HS3ST5: variants seen among roughly 807,000 people sequenced by gnomAD.
HS3ST5 encodes the protein heparan sulfate-glucosamine 3-sulfotransferase 5.
In HS3ST5, 10 loss-of-function variants were observed where a neutral mutation model predicts 25.4. The observed-to-expected ratio is 0.39, with a 90% CI of 0.24 to 0.67. The LOEUF (loss-of-function observed/expected upper bound fraction) is 0.67. Ranked by LOEUF, HS3ST5 falls within the 30% of genes least tolerant of loss-of-function variation. The pLI is 0.44. For missense variants in HS3ST5, 324 were observed against 420.7 expected, an observed-to-expected ratio of 0.77 and a Z score of 2.01; for synonymous variants, 170 against 162.4, an observed-to-expected ratio of 1.05 and a Z score of -0.36.
At chr6:114,256,977 C>A (rs921829934) in intron 1 of HS3ST5, among the ~76,000 whole-genome samples, 1 of 152,206 alleles carries the variant, frequency 6.6e-6, no homozygotes, top group Admixed American at 6.5e-5. Context: ...CAAAAGACAC[C>A]TCTTATATGG....
intron 1 of HS3ST5, among the ~76,000 whole-genome samples, chr6:114,295,921 T>C (rs1774800098): frequency 6.6e-6 from 1 of 152,190 alleles, no homozygotes; most frequent in South Asian, 2.1e-4. Flanking sequence ...GGCCCATGTG[T>C]ATGTCCCACG....
intron 3 of HS3ST5, among the ~76,000 whole-genome samples, chr6:114,147,473 G>A (rs904965718): frequency 6.6e-6 from 1 of 152,200 alleles, no homozygotes; most frequent in African/African-American, 2.4e-5. Context: ...GAAGTTGATT[G>A]AAACACAGAA....
At chr6:114,275,016 C>G (rs940225189) in intron 1 of HS3ST5, among the ~76,000 whole-genome samples, 1 of 151,816 alleles carries the variant, frequency 6.6e-6, no homozygotes, top group African/African-American at 2.4e-5. Flanking sequence ...TACAACTACA[C>G]AACTATACAC....
chr6:114,064,754 A>G (rs533846753), intron 3 of HS3ST5, among the ~76,000 whole-genome samples: 4 of 152,348 alleles, frequency 2.6e-5, no homozygotes, highest in South Asian at 2.1e-4. Flanking sequence ...ATTGTATTCA[A>G]TATGACAAAG....
intron 1 of HS3ST5, among the ~76,000 whole-genome samples, chr6:114,328,624 G>C (rs1383987725): frequency 6.6e-6 from 1 of 152,230 alleles, no homozygotes; most frequent in Admixed American, 6.5e-5. Context: ...AAAGAAAACA[G>C]GTCTTCTAGC....
chr6:114,154,396 A>T (rs1778600387), intron 3 of HS3ST5, among the ~76,000 whole-genome samples: 1 of 152,076 alleles, frequency 6.6e-6, no homozygotes, highest in African/African-American at 2.4e-5. Flanking sequence ...GGTGGCTCAC[A>T]CCTGTAATCC....
rs1220065633 is a variant in HS3ST5 at position 114,232,395 on chromosome 6, T to C, written c.-338-3617A>G. 5.3e-5 allele frequency among the ~76,000 whole-genome samples: 8 copies of C among 152,244 alleles called. No homozygotes were observed. The East Asian group carries it at 1.4e-3, about 26-fold the overall frequency. ...TAGCAGAGATGAGGTTTCTCTATGT[T>C]GCCCAGGCTGGTCTCAAACTCCTGG... is the stretch of plus-strand genomic sequence containing the variant. On this transcript the variant is annotated intron_variant, in intron 1 of 4. Transcript: ENST00000312719.
intron 3 of HS3ST5, among the ~76,000 whole-genome samples, chr6:114,097,866 A>G (rs980017420): frequency 3.3e-5 from 5 of 151,986 alleles, no homozygotes; most frequent in Admixed American, 6.6e-5. Context: ...TCTACCCCTA[A>G]AGGACAAAAA....
intron 2 of HS3ST5, among the ~76,000 whole-genome samples, chr6:114,177,913 T>G (rs942120354): frequency 4.6e-5 from 7 of 152,206 alleles, no homozygotes; most frequent in Non-Finnish European, 7.3e-5. Flanking sequence ...TTTATGCATT[T>G]ATATGAGAAG....
At chr6:114,271,288 G>A (rs1773628180) in intron 1 of HS3ST5, among the ~76,000 whole-genome samples, 1 of 151,880 alleles carries the variant, frequency 6.6e-6, no homozygotes, top group Admixed American at 6.6e-5. Flanking sequence ...CCACTCCCTG[G>A]TTTCTTTTCT....
chr6:114,291,308 GTTT>G lies in HS3ST5; in HGVS notation c.-339+50884_-339+50886del, dbSNP rs1164710337. Among the ~76,000 whole-genome samples the G allele has an allele frequency of 3.3e-5, 5 of 152,212 alleles. No homozygotes were observed. In the South Asian group the frequency reaches 8.3e-4, roughly 25 times the overall value. The stretch of plus-strand genomic sequence containing the variant: ...CATCCAATCTCTGAAGAGAGTTTTT[GTTT>G]TGTATTCATACTAACAGTAATGTAG... On this transcript the variant is annotated intron_variant, in intron 1 of 4. Coordinates refer to ENST00000312719, the MANE Select transcript of HS3ST5 (RefSeq NM_153612.4).
chr6:114,333,645 T>A (rs577752806), intron 1 of HS3ST5, among the ~76,000 whole-genome samples: 291 of 152,086 alleles, frequency 1.9e-3, no homozygotes, highest in African/African-American at 6.8e-3. Flanking sequence ...ATATATATAT[T>A]TTTTTAAAAT....
chr6:114,205,011 G>A (rs1781208015), intron 2 of HS3ST5, among the ~76,000 whole-genome samples: 3 of 152,072 alleles, frequency 2.0e-5, no homozygotes, highest in African/African-American at 7.2e-5. Context: ...CATGCTCACG[G>A]CCTTTTCTTG....
intron 1 of HS3ST5, among the ~76,000 whole-genome samples, chr6:114,330,597 C>T (rs779167783): frequency 1.3e-5 from 2 of 152,128 alleles, no homozygotes; most frequent in Non-Finnish European, 2.9e-5. Flanking sequence ...CTCACATGAG[C>T]ATCCACAGGT....
At chr6:114,105,654 T>C (rs1268591527) in intron 3 of HS3ST5, among the ~76,000 whole-genome samples, 2 of 152,154 alleles carry the variant, frequency 1.3e-5, no homozygotes. Flanking sequence ...CTTATTCTTG[T>C]GGTCACTAAT....
chr6:114,206,329 C>T (rs992162811), intron 2 of HS3ST5, among the ~76,000 whole-genome samples: 4 of 152,106 alleles, frequency 2.6e-5, no homozygotes, highest in Admixed American at 1.3e-4. Flanking sequence ...CAGATAGATA[C>T]TCACATTTTT....
chr6:114,075,618 C>T (rs1774079881), intron 3 of HS3ST5, among the ~76,000 whole-genome samples: 1 of 152,238 alleles, frequency 6.6e-6, no homozygotes, highest in East Asian at 1.9e-4. Context: ...TTTTATTTTG[C>T]CCTGGGCCCC....
intron 2 of HS3ST5, among the ~76,000 whole-genome samples, chr6:114,201,438 T>C (rs980193176): frequency 1.3e-5 from 2 of 152,266 alleles, no homozygotes; most frequent in African/African-American, 4.8e-5. Flanking sequence ...TTACCATTGG[T>C]CCCTCTCTTG....
rs11964315 is a variant in HS3ST5, at chr6:114,203,660, C to A, written c.-145+24925G>T. Among the ~76,000 whole-genome samples, 663 of 152,252 alleles carry A rather than the reference C, an allele frequency of 4.4e-3. 6 individuals are homozygous for A. Among genetic ancestry groups the A allele is most frequent in the African/African-American group, 0.015 (643 of 41,544 alleles). On this transcript the variant is annotated intron_variant, in intron 2 of 4. Transcript: ENST00000312719. ...AACTGGTCCTGTGACTACTCCCCCTCCCCTGAAACTGACTCAGCACACAAA... is the reference window on the plus strand; with the variant it reads ...AACTGGTCCTGTGACTACTCCCCCTACCCTGAAACTGACTCAGCACACAAA...
Sources: gnomAD v4.1 joint callset for allele counts (sites outside exome capture counted in the v4.1 genomes callset) on GRCh38, gnomAD v4.1.1 for gene constraint, MANE v1.5 for transcripts, NCBI Gene and HGNC (gene_info 2026-07-23, HGNC 2026-07-21) for gene names.